The following MAMDC2 variants were observed in gnomAD, a reference collection of about 807,000 sequenced individuals.
MAMDC2 encodes the protein MAM domain containing 2.
MAMDC2 carries 57 observed loss-of-function variants against 89.8 expected under a neutral mutation model. The observed-to-expected ratio is 0.63, with a 90% CI of 0.51 to 0.79. The LOEUF is 0.79. Among genes scored for constraint, MAMDC2 ranks in the 30% least tolerant of loss-of-function variants. MAMDC2 has a pLI of 0.00. For missense variants in MAMDC2, 800 were observed against 820.6 expected, an observed-to-expected ratio of 0.97 and a Z score of 0.31; for synonymous variants, 313 against 293.4, an observed-to-expected ratio of 1.07 and a Z score of -0.68.
At chr9:70,115,023 G>A (rs2975891) in intron 5 of MAMDC2, among the ~76,000 whole-genome samples, 2 of 152,176 alleles carry the variant, frequency 1.3e-5, no homozygotes, top group African/African-American at 4.8e-5. Context: ...TGGTGGGAGA[G>A]ATGTGGCTGA....
At chr9:70,103,333 C>T (rs73449465) in intron 2 of MAMDC2, among the ~76,000 whole-genome samples, 7,374 of 152,108 alleles carry the variant, frequency 0.048, 531 homozygotes, top group African/African-American at 0.16. Flanking sequence ...TTCCCAATTT[C>T]AAAACTTACT....
chr9:70,181,908 G>A (rs1371184835), intron 11 of MAMDC2, among the ~76,000 whole-genome samples: 2 of 152,188 alleles, frequency 1.3e-5, no homozygotes, highest in Non-Finnish European at 2.9e-5. Context: ...TAGGAATGGT[G>A]AGAGAGGGTA....
At chr9:70,109,432 G>C in intron 3 of MAMDC2, 1 of 351,338 alleles carries the variant, frequency 2.8e-6, no homozygotes, top group Non-Finnish European at 5.1e-6. Context: ...GGTTGGGATA[G>C]CAAGAGAAGA....
chr9:70,208,360 T>C (rs972875404), intron 11 of MAMDC2, among the ~76,000 whole-genome samples: 9 of 152,280 alleles, frequency 5.9e-5, no homozygotes, highest in African/African-American at 1.9e-4. Context: ...CCCTTGTAAG[T>C]TGGATTCCTA....
intron 11 of MAMDC2, among the ~76,000 whole-genome samples, chr9:70,190,761 TA>T (rs1221501629): frequency 6.6e-6 from 1 of 152,130 alleles, no homozygotes; most frequent in Non-Finnish European, 1.5e-5. Context: ...ATTAAACAAT[TA>T]ACTGATTGTT....
chr9:70,216,912 T>A (rs952877543), intron 11 of MAMDC2, among the ~76,000 whole-genome samples: 1 of 152,172 alleles, frequency 6.6e-6, no homozygotes, highest in African/African-American at 2.4e-5. Flanking sequence ...ATGTCCAATT[T>A]CTGTAGTTTA....
chr9:70,219,301 C>T (rs2033511259), intron 12 of MAMDC2, among the ~76,000 whole-genome samples: 1 of 152,208 alleles, frequency 6.6e-6, no homozygotes, highest in Non-Finnish European at 1.5e-5. Context: ...TACCATGAGC[C>T]AAAGCTCCAG....
At chr9:70,075,848 C>T (rs922310868) in intron 2 of MAMDC2, among the ~76,000 whole-genome samples, 1 of 152,250 alleles carries the variant, frequency 6.6e-6, no homozygotes, top group Admixed American at 6.5e-5. Context: ...TAGTGGCACA[C>T]TGTGCTGCTG....
At chr9:70,073,930 T>A (rs1827468456) in intron 2 of MAMDC2, among the ~76,000 whole-genome samples, 1 of 152,188 alleles carries the variant, frequency 6.6e-6, no homozygotes. Context: ...CAAAGCTCTG[T>A]CCTCCAGCCA....
At chr9:70,123,436 G>A (rs975907128) in intron 5 of MAMDC2, among the ~76,000 whole-genome samples, 19 of 152,074 alleles carry the variant, frequency 1.2e-4, no homozygotes, top group Admixed American at 7.9e-4. Context: ...CTGTCATTCC[G>A]ATTCTTCCTT....
rs1485856411 is a variant in MAMDC2, at chr9:70,068,651, C to T, written c.148+23954C>T. Among the ~76,000 whole-genome samples, 7 of 138,522 alleles carry T rather than the reference C, an allele frequency of 5.1e-5. No individual in the cohort carries two copies. In the East Asian group the frequency reaches 9.6e-4, roughly 19 times the overall value. 90.9% of individuals were successfully genotyped at this position (138,522 alleles called of 152,430 possible). A position where few individuals can be genotyped will look rare whatever the true frequency, so the allele number is the denominator to read the frequency against. ...CTGAGGCAGGAGAATTGCTTGAACC[C>T]GGGAGGCAGAGGTTGCAGTGAGATC... On this transcript the variant is annotated intron_variant, in intron 2 of 13. Transcript: ENST00000377182.
intron 9 of MAMDC2, chr9:70,147,884 C>T (rs2031458353): frequency 6.6e-6 from 1 of 150,398 alleles, no homozygotes; most frequent in African/African-American, 2.5e-5. Context: ...TATTTCCACA[C>T]ATTTCCAAAT....
At chr9:70,093,305 A>G (rs1009085168) in intron 2 of MAMDC2, among the ~76,000 whole-genome samples, 4 of 152,222 alleles carry the variant, frequency 2.6e-5, no homozygotes, top group Non-Finnish European at 5.9e-5. Context: ...CACATATTTT[A>G]TGGAAGGAGA....
chr9:70,109,818 A>G lies in MAMDC2; in HGVS notation c.505+14A>G. The G allele has an allele frequency of 6.3e-7, 1 of 1,595,114 alleles. No individual in the cohort carries two copies. Among genetic ancestry groups the G allele is most frequent in the African/African-American group, 1.3e-5 (1 of 74,584 alleles). ...GCTACTGTATTGGTAAGTGGGCTTC[A>G]TTTTCATTAAATCAAATTGTGAATC... On this transcript the variant is annotated intron_variant, in intron 4 of 13. Transcript: ENST00000377182.
chr9:70,044,766 C>A, intron 2 of MAMDC2, 69 bp downstream of exon 2: 1 of 1,104,928 alleles, frequency 9.1e-7, no homozygotes, highest in Non-Finnish European at 1.3e-6. Flanking sequence ...TTTTTTCCCA[C>A]ATGGGTAATG....
Position 70,198,835 on chromosome 9 carries a change from TAATG to T in MAMDC2, c.1652-19499_1652-19496del, listed in dbSNP as rs2033032867. ...ATTAATAACACAATAAAATATTAAA[TAATG>T]AAGTTTATCTATAAAAGTTTGCTAT... is the stretch of plus-strand genomic sequence containing the variant. On this transcript the variant is annotated intron_variant, in intron 11 of 13. Coordinates refer to ENST00000377182, the MANE Select transcript of MAMDC2 (RefSeq NM_153267.5). Among the ~76,000 whole-genome samples, 3 of 151,980 alleles carry T rather than the reference TAATG, an allele frequency of 2.0e-5. No homozygotes were observed. In the South Asian group the frequency reaches 6.2e-4, roughly 31 times the overall value.
chr9:70,208,112 AG>A (rs1235979900), intron 11 of MAMDC2, among the ~76,000 whole-genome samples: 2 of 152,070 alleles, frequency 1.3e-5, no homozygotes. Flanking sequence ...GTTGGCACTG[AG>A]GGCTCTTTTT....
rs1449099799 is a variant in MAMDC2, at chr9:70,143,709, A to T, written c.1294A>T (p.Ile432Phe). 2.5e-6 allele frequency: 4 copies of T among 1,614,090 alleles called. No homozygotes were observed. The highest frequency in any genetic ancestry group is 1.7e-5 in the Admixed American group (1 of 59,996). Residue 432 changes from isoleucine to phenylalanine, a missense_variant, in exon 9 of 14, where the codon ATC becomes TTC. Transcript: ENST00000377182. ...LKMSDTLAVY[I>F]FEENHVVQEK... ...AATGAGTGACACCCTAGCAGTTTACATCTTTGAAGAGAACCATGTGGTTCA... is the reference window on the plus strand; with the variant it reads ...AATGAGTGACACCCTAGCAGTTTACTTCTTTGAAGAGAACCATGTGGTTCA...
At chr9:70,195,257 CA>C (rs936890543) in intron 11 of MAMDC2, among the ~76,000 whole-genome samples, 10 of 152,028 alleles carry the variant, frequency 6.6e-5, no homozygotes, top group African/African-American at 1.2e-4. Context: ...ACCAACCAAC[CA>C]AATCCAGCCG....
Sources: allele counts gnomAD v4.1 joint callset (sites outside exome capture counted in the v4.1 genomes callset), GRCh38; gene constraint gnomAD v4.1.1; transcripts MANE v1.5; gene names NCBI Gene and HGNC (gene_info 2026-07-23, HGNC 2026-07-21).